The following FBXW7 variants were observed in gnomAD, a reference collection of about 807,000 sequenced individuals.
FBXW7 encodes F-box and WD repeat domain containing 7, also known as F-box/WD repeat-containing protein 7.
In FBXW7, 11 loss-of-function variants were observed where a neutral mutation model predicts 86.3. That is an observed-to-expected ratio of 0.13 (90% confidence interval 0.08 to 0.21). The LOEUF is 0.21. Ranked by LOEUF, FBXW7 falls within the 10% of genes least tolerant of loss-of-function variation. The probability of loss-of-function intolerance (pLI) is 1.00; values close to 1 mark genes in which losing one functional copy is unlikely to be tolerated. For missense variants in FBXW7, 488 were observed against 847.4 expected (o/e 0.58, Z 5.27); for synonymous variants, 313 against 297.9 (o/e 1.05, Z -0.52).
intron 2 of FBXW7, among the ~76,000 whole-genome samples, chr4:152,428,171 C>T (rs962385464): frequency 6.6e-6 from 1 of 152,106 alleles, no homozygotes; most frequent in African/African-American, 2.4e-5. Flanking sequence ...GGTCTCGTTT[C>T]TACTGACACC....
chr4:152,348,307 CA>C (rs1344603443), intron 5 of FBXW7, among the ~76,000 whole-genome samples: 1 of 151,914 alleles, frequency 6.6e-6, no homozygotes, highest in Non-Finnish European at 1.5e-5. Flanking sequence ...CTTTCAAATT[CA>C]AAGGTAAGTT....
intron 2 of FBXW7, among the ~76,000 whole-genome samples, chr4:152,517,596 G>T (rs1442933606): frequency 6.6e-6 from 1 of 152,184 alleles, no homozygotes; most frequent in African/African-American, 2.4e-5. Flanking sequence ...TTAACTAAAG[G>T]TGGGACCTTG....
intron 4 of FBXW7, among the ~76,000 whole-genome samples, chr4:152,366,188 T>C (rs912139154): frequency 6.6e-6 from 1 of 152,198 alleles, no homozygotes; most frequent in Admixed American, 6.6e-5. Flanking sequence ...ATACTTAATA[T>C]ATTTCCCCCT....
Position 152,339,922 on chromosome 4 carries a change from CAAAAAA to C in FBXW7, c.727-1992_727-1987del, listed in dbSNP as rs1227838925. ...TAGGTGACAGAGCGAGGCTTTGTCT[CAAAAAA>C]AAAAAAAAAAAAAAAGCTAATATAT... On this transcript the variant is annotated intron_variant, in intron 6 of 13. Coordinates refer to ENST00000281708, the MANE Select transcript of FBXW7 (RefSeq NM_001349798.2). 4.5e-5 allele frequency among the ~76,000 whole-genome samples: 3 copies of C among 66,338 alleles called. No individual in the cohort carries two copies. The South Asian group carries it at 1.6e-3, about 36-fold the overall frequency. The allele number at this position is 66,338 out of a possible 152,430, so 43.5% of individuals were successfully genotyped here.
At chr4:152,391,819 C>G (rs905181813) in intron 4 of FBXW7, among the ~76,000 whole-genome samples, 1 of 152,082 alleles carries the variant, frequency 6.6e-6, no homozygotes, top group Non-Finnish European at 1.5e-5. Flanking sequence ...AGATTTTAAC[C>G]CTGGTATGTC....
chr4:152,419,350 G>A (rs934358933), intron 2 of FBXW7, among the ~76,000 whole-genome samples: 6 of 151,864 alleles, frequency 4.0e-5, no homozygotes, highest in Non-Finnish European at 8.8e-5. Flanking sequence ...TAATTACCAC[G>A]GGGTTGAATT....
At chr4:152,504,127 T>G (rs1333217102) in intron 2 of FBXW7, among the ~76,000 whole-genome samples, 3 of 152,162 alleles carry the variant, frequency 2.0e-5, no homozygotes, top group Non-Finnish European at 4.4e-5. Context: ...TACATCTCAA[T>G]GCCTATGAAC....
intron 2 of FBXW7, among the ~76,000 whole-genome samples, chr4:152,522,410 G>C (rs761177068): frequency 9.9e-5 from 15 of 152,128 alleles, no homozygotes; most frequent in Non-Finnish European, 1.5e-4. Context: ...CTTTTAAAAT[G>C]AATGTTAAAT....
At position 152,322,805 on chromosome 4, in the gene FBXW7, C is replaced by A. The variant is rs1728660073; in HGVS notation, c.*76G>T. 1 of 1,560,488 alleles carries A rather than the reference C, an allele frequency of 6.4e-7. No homozygotes were observed. The highest frequency in any genetic ancestry group is 1.4e-5 in the African/African-American group (1 of 72,374). On this transcript the variant is annotated 3_prime_UTR_variant, in exon 14 of 14. Coordinates refer to ENST00000281708, the MANE Select transcript of FBXW7 (RefSeq NM_001349798.2). ...CAAGGGATTTTTTTCTTTTTCTTTT[C>A]TTTTTTTCTTTTTGCAGGGGGAAGG...
chr4:152,346,718 G>C (rs944285921), intron 6 of FBXW7: 10 of 528,712 alleles, frequency 1.9e-5, no homozygotes, highest in Non-Finnish European at 2.9e-5. Context: ...TCTACTTTCT[G>C]TCTCTATGGA....
At chr4:152,478,449 T>C (rs1346090567) in intron 2 of FBXW7, among the ~76,000 whole-genome samples, 1 of 152,154 alleles carries the variant, frequency 6.6e-6, no homozygotes, top group East Asian at 1.9e-4. Context: ...TATAAACACA[T>C]TTGTCCATTC....
chr4:152,388,188 T>C (rs1366875923), intron 4 of FBXW7, among the ~76,000 whole-genome samples: 1 of 152,196 alleles, frequency 6.6e-6, no homozygotes, highest in African/African-American at 2.4e-5. Context: ...CTTCCAATTA[T>C]AATGTATTTG....
intron 4 of FBXW7, chr4:152,411,087 T>C: frequency 1.2e-6 from 1 of 836,242 alleles, no homozygotes; most frequent in Admixed American, 3.7e-5. Flanking sequence ...ATAGGCTCAA[T>C]TACTTTCCCT....
intron 2 of FBXW7, among the ~76,000 whole-genome samples, chr4:152,495,494 A>G (rs1379764838): frequency 6.6e-6 from 1 of 152,144 alleles, no homozygotes; most frequent in Non-Finnish European, 1.5e-5. Flanking sequence ...ATGAAACAGA[A>G]ATCTTTAAGT....
chr4:152,498,568 C>T (rs1038482557), intron 2 of FBXW7, among the ~76,000 whole-genome samples: 4 of 152,022 alleles, frequency 2.6e-5, no homozygotes, highest in African/African-American at 4.8e-5. Flanking sequence ...ACAATGCAAG[C>T]GATATAAAGA....
chr4:152,360,836 AAT>A (rs375017480), intron 4 of FBXW7, among the ~76,000 whole-genome samples: 10 of 146,492 alleles, frequency 6.8e-5, no homozygotes, highest in African/African-American at 9.9e-5. Flanking sequence ...AAATATATTA[AAT>A]ATATATATAT....
At chr4:152,519,603 T>C (rs1560994346) in intron 2 of FBXW7, among the ~76,000 whole-genome samples, 2 of 152,230 alleles carry the variant, frequency 1.3e-5, no homozygotes, top group African/African-American at 4.8e-5. Context: ...CTGATGATGA[T>C]TCCAAGAGCA....
Position 152,327,395 on chromosome 4 carries a change from T to G in FBXW7, c.1418+813A>C, listed in dbSNP as rs1003635013. 3.1e-4 allele frequency among the ~76,000 whole-genome samples: 47 copies of G among 152,200 alleles called. 1 individual carries two copies. Among genetic ancestry groups the G allele is most frequent in the South Asian group, 1.0e-3 (5 of 4,828 alleles). Reference sequence around the variant, plus strand: ...ATTAAAGGTAAAGACTGCCATGGATTCACTGTAAGGACCTTTCAGAGAGAC... The same window carrying G: ...ATTAAAGGTAAAGACTGCCATGGATGCACTGTAAGGACCTTTCAGAGAGAC... On this transcript the variant is annotated intron_variant, in intron 11 of 13. Coordinates refer to ENST00000281708, the MANE Select transcript of FBXW7 (RefSeq NM_001349798.2).
rs117649700 is a variant in FBXW7, at chr4:152,341,055, T to C, written c.727-3119A>G. ...ACTACACTGGATTGAGCTACCAGTA[T>C]GCGTCACCTAGATTATTCCTGTAAC... On this transcript the variant is annotated intron_variant, in intron 6 of 13. Transcript: ENST00000281708. 1.3e-3 allele frequency among the ~76,000 whole-genome samples: 196 copies of C among 152,298 alleles called. 2 individuals carry two copies. In the East Asian group the frequency reaches 0.033, roughly 26 times the overall value.
Sources: gnomAD v4.1 joint callset for allele counts (sites outside exome capture counted in the v4.1 genomes callset) on GRCh38, gnomAD v4.1.1 for gene constraint, MANE v1.5 for transcripts, NCBI Gene and HGNC (gene_info 2026-07-23, HGNC 2026-07-21) for gene names.